KLHL13: variants seen among roughly 807,000 people sequenced by gnomAD.
KLHL13 encodes kelch-like protein 13.
In KLHL13, 10 loss-of-function variants were observed where a neutral mutation model predicts 37.1. The observed-to-expected ratio is 0.27, with a 90% confidence interval of 0.17 to 0.46. KLHL13 has a LOEUF of 0.46. Among genes scored for constraint, KLHL13 ranks in the 20% least tolerant of loss-of-function variants. KLHL13 has a pLI of 1.00. For synonymous variants in KLHL13, 163 were observed against 181.2 expected (o/e 0.90, Z 0.81); for missense variants, 360 against 509.3 (o/e 0.71, Z 2.82).
chrX:117,906,854 CTAGAAT>C (rs1250607070), intron 5 of KLHL13, among the ~76,000 whole-genome samples: 1 of 110,658 alleles, frequency 9.0e-6, no homozygotes, highest in Non-Finnish European at 1.9e-5. Context: ...TGGATGATAA[CTAGAAT>C]TAGAATTCTT....
At chrX:118,027,280 G>A (rs977179292) in intron 1 of KLHL13, among the ~76,000 whole-genome samples, 5 of 111,038 alleles carry the variant, frequency 4.5e-5, no homozygotes, top group Non-Finnish European at 7.6e-5. Context: ...AGTTTTGATG[G>A]GAAATCATTA....
intron 1 of KLHL13, among the ~76,000 whole-genome samples, chrX:118,096,697 G>C (rs1417746181): frequency 9.0e-6 from 1 of 111,375 alleles, no homozygotes; most frequent in East Asian, 2.8e-4. Flanking sequence ...CTGGCAAACC[G>C]AATCCAGCAA....
intron 1 of KLHL13, among the ~76,000 whole-genome samples, chrX:118,081,585 TC>T (rs2054995097): frequency 8.9e-6 from 1 of 111,924 alleles, no homozygotes; most frequent in Admixed American, 9.5e-5. Context: ...ATTTATCATT[TC>T]TTTGTGCTGG....
intron 5 of KLHL13, among the ~76,000 whole-genome samples, chrX:117,907,725 T>C (rs1930643337): frequency 9.0e-6 from 1 of 110,930 alleles, no homozygotes. Context: ...ACCTATGCAG[T>C]TCATGATCAT....
intron 2 of KLHL13, among the ~76,000 whole-genome samples, chrX:117,927,746 T>A (rs1414624301): frequency 8.9e-6 from 1 of 112,089 alleles, no homozygotes; most frequent in East Asian, 2.8e-4. Context: ...ACAGATCATA[T>A]AATGTCATTT....
chrX:117,940,661 C>G (rs192044206), intron 2 of KLHL13, among the ~76,000 whole-genome samples: 1 of 111,423 alleles, frequency 9.0e-6, no homozygotes, highest in South Asian at 3.8e-4. Context: ...TCCTTCACAT[C>G]GCTTGTAAGT....
chrX:118,061,810 T>C (rs2054745361), intron 1 of KLHL13, among the ~76,000 whole-genome samples: 1 of 111,648 alleles, frequency 9.0e-6, no homozygotes, highest in South Asian at 3.7e-4. Context: ...AAGTTGAATT[T>C]TGAAGAGCAA....
intron 1 of KLHL13, among the ~76,000 whole-genome samples, chrX:118,035,477 A>C (rs1250626280): frequency 9.2e-6 from 1 of 109,189 alleles, no homozygotes; most frequent in Non-Finnish European, 1.9e-5. Flanking sequence ...TATAAACAGA[A>C]CCAAAGACAA....
upstream of KLHL13, among the ~76,000 whole-genome samples, chrX:117,975,126 G>A (rs2053581463): frequency 2.7e-5 from 3 of 109,953 alleles, no homozygotes. Context: ...AAAGGCCTCA[G>A]GTATAATCAG....
rs149327068 is a variant in KLHL13, at chrX:118,070,540, A to G, written c.-56+45968T>C. On this transcript the variant is annotated intron_variant, in intron 1 of 6. Transcript: ENST00000371882. ...GTCAATTTTAATAAATGTTCTGTCC[A>G]TACTTGTGATAAGACATTTTCTCCA... Among the ~76,000 whole-genome samples, 1,080 of 111,096 alleles carry G rather than the reference A, an allele frequency of 9.7e-3. 13 individuals are homozygous for G. The highest frequency in any genetic ancestry group is 0.031 in the African/African-American group (963 of 30,624).
intron 6 of KLHL13, among the ~76,000 whole-genome samples, chrX:117,899,796 G>A (rs1929972936): frequency 8.9e-6 from 1 of 111,784 alleles, no homozygotes; most frequent in African/African-American, 3.3e-5. Context: ...TGAGCACTGG[G>A]CTAGAGCACA....
chrX:118,055,942 A>T (rs1397183663), intron 1 of KLHL13, among the ~76,000 whole-genome samples: 1 of 111,702 alleles, frequency 9.0e-6, no homozygotes, highest in Non-Finnish European at 1.9e-5. Context: ...AAGGAAATGA[A>T]ATTCATCTTG....
intron 1 of KLHL13, among the ~76,000 whole-genome samples, chrX:118,095,787 T>G (rs749105050): frequency 1.9e-3 from 212 of 111,960 alleles, no homozygotes; most frequent in African/African-American, 6.2e-3. Context: ...GCTCCTGAAT[T>G]ACTACTGGGT....
At position 117,909,799 on chromosome X, in the gene KLHL13, G is replaced by C. The variant is rs1203362285; in HGVS notation, c.868C>G (p.Gln290Glu). The C allele has an allele frequency of 1.2e-5, 14 of 1,210,399 alleles. No homozygotes were observed. The highest frequency in any genetic ancestry group is 1.5e-5 in the Non-Finnish European group (13 of 895,089). Residue 290 changes from glutamine to glutamate, a missense_variant, in exon 5 of 7, where the codon CAG becomes GAG. Gln to Glu is a conservative substitution (Grantham distance 29, BLOSUM62 2). Transcript: ENST00000262820. ...GTTTGCACGTAATTAATGAGCTCCTGTGGTGTCATCAGTGGAAATCGTATG... is the reference window on the plus strand; with the variant it reads ...GTTTGCACGTAATTAATGAGCTCCTCTGGTGTCATCAGTGGAAATCGTATG...
At chrX:118,095,243 A>T (rs1382424194) in intron 1 of KLHL13, among the ~76,000 whole-genome samples, 1 of 110,697 alleles carries the variant, frequency 9.0e-6, no homozygotes, top group African/African-American at 3.3e-5. Context: ...TTGCAATCCT[A>T]GTCTCTGATA....
exon 7 of KLHL13, chrX:117,899,146 T>C: frequency 8.3e-7 from 1 of 1,211,909 alleles, no homozygotes; most frequent in Non-Finnish European, 1.1e-6. Flanking sequence ...AACATCACTC[T>C]GCCCTCTTAA....
intron 1 of KLHL13, among the ~76,000 whole-genome samples, chrX:118,026,548 C>T (rs1233955407): frequency 1.1e-4 from 12 of 111,621 alleles, no homozygotes; most frequent in African/African-American, 3.9e-4. Flanking sequence ...ATCGTTGATG[C>T]TTTATGAAAA....
At chrX:118,054,618 T>TA (rs2054666174) in intron 1 of KLHL13, among the ~76,000 whole-genome samples, 1 of 111,635 alleles carries the variant, frequency 9.0e-6, no homozygotes, top group African/African-American at 3.2e-5. Context: ...TCACATTTCT[T>TA]AAAAAATAAG....
At chrX:118,004,432 T>A (rs913517617) in intron 1 of KLHL13, among the ~76,000 whole-genome samples, 1 of 111,467 alleles carries the variant, frequency 9.0e-6, no homozygotes, top group Non-Finnish European at 1.9e-5. Context: ...CCAGAGCTAA[T>A]GCAGAGAAAG....
Sources: allele counts gnomAD v4.1 joint callset (sites outside exome capture counted in the v4.1 genomes callset), GRCh38; gene constraint gnomAD v4.1.1; transcripts MANE v1.5; gene names NCBI Gene and HGNC (gene_info 2026-07-23, HGNC 2026-07-21).